The following NCKAP5 variants were observed in gnomAD, a reference collection of about 807,000 sequenced individuals.
NCKAP5 encodes nck-associated protein 5.
A neutral mutation model predicts 167.0 loss-of-function variants in NCKAP5; 92 were observed. The ratio of observed to expected loss-of-function variants is 0.55; its 90% confidence interval spans 0.47 to 0.66. The LOEUF (loss-of-function observed/expected upper bound fraction) is 0.66, where lower values mean the gene tolerates loss of function less well. Among genes scored for constraint, NCKAP5 ranks in the 30% least tolerant of loss-of-function variants. The probability of loss-of-function intolerance (pLI) is 0.00; values close to 1 mark genes in which losing one functional copy is unlikely to be tolerated. For synonymous variants in NCKAP5, 891 were observed against 877.4 expected (o/e 1.02, Z -0.27); for missense variants, 2,378 against 2,315.0 (o/e 1.03, Z -0.56).
intron 8 of NCKAP5, among the ~76,000 whole-genome samples, chr2:132,950,002 G>T (rs2076137175): frequency 6.6e-6 from 1 of 152,204 alleles, no homozygotes; most frequent in Admixed American, 6.5e-5. Flanking sequence ...GCTGAGGCAG[G>T]AGAATCGCTG....
chr2:133,351,676 C>A (rs139419607), intron 3 of NCKAP5, among the ~76,000 whole-genome samples: 1 of 152,134 alleles, frequency 6.6e-6, no homozygotes, highest in Non-Finnish European at 1.5e-5. Flanking sequence ...CCTGTGCCCC[C>A]ACCCCAGGAC....
the NCKAP5 span, among the ~76,000 whole-genome samples, chr2:133,616,085 G>A: frequency 6.6e-6 from 1 of 151,472 alleles, no homozygotes; most frequent in Non-Finnish European, 1.5e-5. Context: ...CAGAAATAAA[G>A]ATGTTCTTTG....
intron 6 of NCKAP5, among the ~76,000 whole-genome samples, chr2:133,009,931 C>T (rs967621900): frequency 6.6e-6 from 1 of 151,768 alleles, no homozygotes; most frequent in East Asian, 1.9e-4. Flanking sequence ...ATTAGCAGGG[C>T]GTGGTGGCGG....
intron 6 of NCKAP5, among the ~76,000 whole-genome samples, chr2:133,086,836 C>T (rs765609): frequency 0.083 from 12,660 of 152,074 alleles, 742 homozygotes; most frequent in African/African-American, 0.16. Flanking sequence ...GTTTAGGGAA[C>T]ATTGGGGGCA....
At chr2:133,040,742 A>C (rs2079190028) in intron 6 of NCKAP5, among the ~76,000 whole-genome samples, 1 of 152,220 alleles carries the variant, frequency 6.6e-6, no homozygotes, top group African/African-American at 2.4e-5. Flanking sequence ...TATCTCAGGC[A>C]TCTAGGCATA....
intron 19 of NCKAP5, among the ~76,000 whole-genome samples, chr2:132,685,251 T>C (rs558851877): frequency 6.6e-6 from 1 of 152,266 alleles, no homozygotes; most frequent in South Asian, 2.1e-4. Context: ...AGATAAATAA[T>C]GAGAAGGTCT....
At chr2:133,447,561 C>T (rs1691283097) in intron 3 of NCKAP5, among the ~76,000 whole-genome samples, 1 of 126,404 alleles carries the variant, frequency 7.9e-6, no homozygotes, top group Non-Finnish European at 1.6e-5. Context: ...CCCTTCCTTT[C>T]CCCCTCCCTT....
intron 5 of NCKAP5, among the ~76,000 whole-genome samples, chr2:133,145,994 A>G (rs2083181189): frequency 6.6e-6 from 1 of 152,066 alleles, no homozygotes; most frequent in South Asian, 2.1e-4. Flanking sequence ...ATAACAAGTA[A>G]TATGCCTTTG....
chr2:132,688,507 A>G (rs1422855282), intron 19 of NCKAP5, among the ~76,000 whole-genome samples: 1 of 152,238 alleles, frequency 6.6e-6, no homozygotes, highest in East Asian at 1.9e-4. Context: ...GCAGTGACAC[A>G]GCATTAAAGA....
At chr2:132,714,305 T>A (rs1437733288) in intron 19 of NCKAP5, among the ~76,000 whole-genome samples, 1 of 152,236 alleles carries the variant, frequency 6.6e-6, no homozygotes, top group East Asian at 1.9e-4. Flanking sequence ...TGGGTTCCCC[T>A]CTCTCCCTCT....
intron 5 of NCKAP5, among the ~76,000 whole-genome samples, chr2:133,147,719 T>C (rs2083250222): frequency 1.3e-5 from 2 of 152,126 alleles, no homozygotes; most frequent in Non-Finnish European, 2.9e-5. Context: ...GGGTACACCC[T>C]GACCTTTCAC....
chr2:133,193,983 T>C (rs1300702726), intron 5 of NCKAP5, among the ~76,000 whole-genome samples: 1 of 152,148 alleles, frequency 6.6e-6, no homozygotes, highest in Non-Finnish European at 1.5e-5. Flanking sequence ...AAGCTGACAG[T>C]GACTTTACTG....
At chr2:132,998,938 T>A (rs930498370) in intron 6 of NCKAP5, among the ~76,000 whole-genome samples, 6 of 152,292 alleles carry the variant, frequency 3.9e-5, no homozygotes, top group African/African-American at 1.4e-4. Flanking sequence ...TAGCTCTCCA[T>A]CTCCTTCCCC....
the NCKAP5 span, among the ~76,000 whole-genome samples, chr2:133,647,770 G>A: frequency 8.3e-6 from 1 of 120,348 alleles, no homozygotes; most frequent in African/African-American, 3.1e-5. Context: ...AAAGAAAAAA[G>A]AAAAGAAAAA....
chr2:132,945,593 G>A (rs189444252), intron 8 of NCKAP5, among the ~76,000 whole-genome samples: 2 of 152,136 alleles, frequency 1.3e-5, no homozygotes, highest in East Asian at 3.9e-4. Flanking sequence ...CATCCTTAAT[G>A]GGTCACTTCT....
At chr2:133,273,929 C>G (rs2089621538) in intron 4 of NCKAP5, among the ~76,000 whole-genome samples, 2 of 145,890 alleles carry the variant, frequency 1.4e-5, no homozygotes, top group South Asian at 4.3e-4. Context: ...TTCACCTCCC[C>G]AGGAATAAAA....
chr2:132,773,754 T>A, intron 16 of NCKAP5, 62 bp downstream of exon 16: 1 of 1,318,572 alleles, frequency 7.6e-7, no homozygotes, highest in Non-Finnish European at 1.1e-6. Context: ...GTACCATATC[T>A]GGAAGAAGGA....
intron 16 of NCKAP5, among the ~76,000 whole-genome samples, chr2:132,761,429 GC>G (rs2104859406): frequency 6.6e-6 from 1 of 152,368 alleles, no homozygotes; most frequent in East Asian, 1.9e-4. Context: ...ACTAGCGCAT[GC>G]CCCATGGGCA....
intron 5 of NCKAP5, among the ~76,000 whole-genome samples, chr2:133,211,293 T>C (rs1306806132): frequency 6.6e-6 from 1 of 152,120 alleles, no homozygotes; most frequent in Non-Finnish European, 1.5e-5. Flanking sequence ...TGCAGTAGTA[T>C]GATCATGGCT....
Sources: gnomAD v4.1 joint callset for allele counts (sites outside exome capture counted in the v4.1 genomes callset) on GRCh38, gnomAD v4.1.1 for gene constraint, MANE v1.5 for transcripts, NCBI Gene and HGNC (gene_info 2026-07-23, HGNC 2026-07-21) for gene names.